The following NUP188 variants were observed in gnomAD, a reference collection of about 807,000 sequenced individuals.
The protein encoded by NUP188 is nucleoporin 188.
NUP188 carries 97 observed loss-of-function variants against 223.0 expected under a neutral mutation model. That is an observed-to-expected ratio of 0.43 (90% confidence interval 0.37 to 0.51). NUP188 has a LOEUF of 0.51. Among genes scored for constraint, NUP188 ranks in the 20% least tolerant of loss-of-function variants. The pLI is 0.00. For synonymous variants in NUP188, 869 were observed against 828.0 expected, an observed-to-expected ratio of 1.05 and a Z score of -0.85; for missense variants, 1,947 against 2,175.6, an observed-to-expected ratio of 0.89 and a Z score of 2.09.
chr9:128,991,600 G>T (rs1391052809), intron 25 of NUP188, among the ~76,000 whole-genome samples: 1 of 151,674 alleles, frequency 6.6e-6, no homozygotes. Flanking sequence ...CCAGGACTCT[G>T]GGAGGCCCAG....
At position 129,006,905 on chromosome 9, in the gene NUP188, G is replaced by A. The variant is rs1257554384; in HGVS notation, c.*227G>A. ...GAGTCTTCTGTGCTCAGGTCCTCACGCTGCAGACGCCCCCTAGAGGAACTT... is the reference window on the plus strand; with the variant it reads ...GAGTCTTCTGTGCTCAGGTCCTCACACTGCAGACGCCCCCTAGAGGAACTT... On this transcript the variant is annotated 3_prime_UTR_variant, in exon 44 of 44. Coordinates refer to ENST00000372577, the MANE Select transcript of NUP188 (RefSeq NM_015354.3). The A allele has an allele frequency of 7.0e-6, 3 of 430,304 alleles. No individual in the cohort carries two copies. The highest frequency in any genetic ancestry group is 1.2e-5 in the Non-Finnish European group (3 of 243,978). The allele number at this position is 430,304 out of a possible 1,614,324, so 26.7% of individuals were successfully genotyped here.
chr9:128,983,543 A>G lies in NUP188; in HGVS notation c.1954A>G (p.Met652Val). 1.2e-6 allele frequency: 2 copies of G among 1,613,666 alleles called. No individual in the cohort carries two copies. The highest frequency in any genetic ancestry group is 1.7e-6 in the Non-Finnish European group (2 of 1,179,668). ...VAHPVSSLSQ[M>V]ISAEGMNAGG... ...CCATCCTGTCTCCAGCCTGAGTCAG[A>G]TGATTAGGTGAGCCAAGTCCTAGGG... The change falls in exon 19 of 44, where the codon ATG (methionine) becomes GTG (valine). Residue 652 changes from methionine (M) to valine (V), a missense_variant. Met to Val is a conservative substitution (Grantham distance 21). Around this residue, in one of 3 missense-constraint regions of NUP188, gnomAD observed 817 missense variants for 865.8 expected, o/e 0.94. Coordinates refer to ENST00000372577, the MANE Select transcript of NUP188 (RefSeq NM_015354.3).
At chr9:128,956,031 T>C (rs1841864073) in intron 3 of NUP188, among the ~76,000 whole-genome samples, 1 of 152,142 alleles carries the variant, frequency 6.6e-6, no homozygotes, top group Non-Finnish European at 1.5e-5. Flanking sequence ...ATAGTAATAT[T>C]TGCCTTTTAG....
chr9:128,962,745 G>C, intron 8 of NUP188, among the ~76,000 whole-genome samples: 1 of 152,130 alleles, frequency 6.6e-6, no homozygotes, highest in East Asian at 1.9e-4. Context: ...TGGGATTATA[G>C]GTGTGAGCCA....
intron 5 of NUP188, among the ~76,000 whole-genome samples, chr9:128,957,399 GGA>G (rs1274518421): frequency 1.3e-5 from 2 of 152,096 alleles, no homozygotes; most frequent in African/African-American, 4.8e-5. Flanking sequence ...TTGGAGGAGT[GGA>G]GAGGTCAAAG....
intron 24 of NUP188, among the ~76,000 whole-genome samples, chr9:128,988,429 G>T (rs2131172636): frequency 6.6e-6 from 1 of 152,298 alleles, no homozygotes; most frequent in South Asian, 2.1e-4. Context: ...AAGTCAGACT[G>T]CCTTGGTTCA....
chr9:128,970,434 T>A (rs924715843), intron 10 of NUP188, among the ~76,000 whole-genome samples: 2 of 152,016 alleles, frequency 1.3e-5, no homozygotes, highest in African/African-American at 4.8e-5. Context: ...TGAGATGAGA[T>A]GGTTAGGAAG....
At position 128,982,569 on chromosome 9, in the gene NUP188, A is replaced by C. The variant is rs755507478; in HGVS notation, c.1537A>C (p.Ile513Leu). 15 of 1,612,798 alleles carry C rather than the reference A, an allele frequency of 9.3e-6. No homozygotes were observed. In the South Asian group the frequency reaches 1.4e-4, roughly 15 times the overall value. ...YPLGGQTNLR[I>L]PQGTVGQVML... is the part of the protein sequence containing the mutation. The stretch of plus-strand genomic sequence containing the variant: ...CTCAGGGGGTCAAACCAACCTTCGC[A>C]TACCTCAAGGCACTGTGGGCCAAGT... Residue 513 changes from isoleucine (I) to leucine (L), a missense_variant, in exon 16 of 44, where the codon ATA becomes CTA. Physicochemically the swap from Ile to Leu is conservative, Grantham distance 5. Coordinates refer to ENST00000372577, the MANE Select transcript of NUP188 (RefSeq NM_015354.3).
intron 8 of NUP188, among the ~76,000 whole-genome samples, chr9:128,963,851 C>G (rs1290286229): frequency 6.6e-6 from 1 of 151,326 alleles, no homozygotes; most frequent in Middle Eastern, 3.2e-3. Flanking sequence ...GAGTCTCACA[C>G]TGTCGCCCAG....
intron 17 of NUP188, 47 bp downstream of exon 17, chr9:128,983,075 C>G: frequency 6.2e-7 from 1 of 1,606,086 alleles, no homozygotes; most frequent in South Asian, 1.1e-5. Flanking sequence ...GAGATCTCAG[C>G]ACTTGTGCCC....
chr9:128,973,887 A>T (rs958534958), intron 12 of NUP188, among the ~76,000 whole-genome samples: 3 of 152,168 alleles, frequency 2.0e-5, no homozygotes, highest in Non-Finnish European at 4.4e-5. Flanking sequence ...TACTATTTTT[A>T]AAATTTCTGT....
At chr9:128,956,734 G>A (rs1366833296) in intron 4 of NUP188, among the ~76,000 whole-genome samples, 3 of 151,598 alleles carry the variant, frequency 2.0e-5, no homozygotes, top group African/African-American at 7.3e-5. Flanking sequence ...AATAAGCATC[G>A]TTGTTTCTGG....
At chr9:128,960,690 C>T (rs1841935675) in intron 8 of NUP188, among the ~76,000 whole-genome samples, 1 of 152,194 alleles carries the variant, frequency 6.6e-6, no homozygotes, top group Admixed American at 6.6e-5. Context: ...TGGCTCATGC[C>T]TGTAATCCTA....
chr9:128,949,363 G>A (rs1327511815), intron 2 of NUP188, 120 bp downstream of exon 2: 6 of 694,564 alleles, frequency 8.6e-6, no homozygotes, highest in South Asian at 1.7e-5. Flanking sequence ...ACAGAGTTTC[G>A]CTCTTGTTTC....
chr9:128,966,612 A>G (rs1842034621), intron 8 of NUP188, among the ~76,000 whole-genome samples: 1 of 152,072 alleles, frequency 6.6e-6, no homozygotes, highest in African/African-American at 2.4e-5. Flanking sequence ...TGCTGGGATT[A>G]CAGGTGTGAA....
rs150590461 is a variant in NUP188 at position 128,952,073 on chromosome 9, C to G, written c.88-700C>G. Among the ~76,000 whole-genome samples, 649 of 152,156 alleles carry G rather than the reference C, an allele frequency of 4.3e-3. 7 individuals are homozygous for G. Among genetic ancestry groups the G allele is most frequent in the East Asian group, 0.042 (218 of 5,176 alleles). On this transcript the variant is annotated intron_variant, in intron 2 of 43. Coordinates refer to ENST00000372577, the MANE Select transcript of NUP188 (RefSeq NM_015354.3). Reference sequence around the variant, plus strand: ...CTCCCAAAGTGCTAGGATTACAGGCCTGAGCCACCATGCCTGGCCGAGTCT... The same window carrying G: ...CTCCCAAAGTGCTAGGATTACAGGCGTGAGCCACCATGCCTGGCCGAGTCT...
At chr9:128,999,968 C>T (rs1413887455) in intron 34 of NUP188, among the ~76,000 whole-genome samples, 163 bp downstream of exon 34, 1 of 152,242 alleles carries the variant, frequency 6.6e-6, no homozygotes, top group Non-Finnish European at 1.5e-5. Context: ...AAAGCAGAAG[C>T]AGCCCATTGT....
At chr9:128,955,965 G>A (rs1841862812) in intron 3 of NUP188, among the ~76,000 whole-genome samples, 1 of 111,846 alleles carries the variant, frequency 8.9e-6, no homozygotes, top group African/African-American at 4.1e-5. Context: ...ATGAGCTGTG[G>A]GATTTTTGGT....
chr9:128,998,379 C>T, intron 31 of NUP188, 151 bp downstream of exon 31: 1 of 972,900 alleles, frequency 1.0e-6, no homozygotes, highest in Non-Finnish European at 1.6e-6. Context: ...AGTGGGTCAG[C>T]AGAGCTCTGC....
Sources: allele counts gnomAD v4.1 joint callset (sites outside exome capture counted in the v4.1 genomes callset), GRCh38; gene constraint gnomAD v4.1.1; regional missense constraint gnomAD v4.1.1; transcripts MANE v1.5; gene names NCBI Gene and HGNC (gene_info 2026-07-23, HGNC 2026-07-21).